The following TTC23 variants were observed in gnomAD, a reference collection of about 807,000 sequenced individuals.
The protein encoded by TTC23 is tetratricopeptide repeat protein 23.
In TTC23, 58 loss-of-function variants were observed where a neutral mutation model predicts 55.1. That is an observed-to-expected ratio of 1.05 (90% CI 0.85 to 1.31). TTC23 has a LOEUF of 1.31. TTC23 is among the 50% of genes most tolerant of loss of function. The probability of loss-of-function intolerance (pLI) is 0.00; values close to 1 mark genes in which losing one functional copy is unlikely to be tolerated. For synonymous variants in TTC23, 203 were observed against 199.9 expected (o/e 1.02, Z -0.13); for missense variants, 516 against 534.4 (o/e 0.97, Z 0.34).
intron 8 of TTC23, among the ~76,000 whole-genome samples, chr15:99,213,878 C>G (rs2077235283): frequency 6.6e-6 from 1 of 152,170 alleles, no homozygotes; most frequent in South Asian, 2.1e-4. Context: ...TTGGTGAAAA[C>G]ATGCATGCAT....
At chr15:99,190,329 G>A (rs2075137845) in intron 9 of TTC23, among the ~76,000 whole-genome samples, 1 of 149,652 alleles carries the variant, frequency 6.7e-6, no homozygotes, top group African/African-American at 2.5e-5. Flanking sequence ...CTGGAGTGCA[G>A]TGATGTGATC....
chr15:99,138,914 A>G (rs1312481259), intron 13 of TTC23, among the ~76,000 whole-genome samples: 5 of 152,186 alleles, frequency 3.3e-5, no homozygotes, highest in Admixed American at 1.3e-4. Context: ...GGGCTGAGAA[A>G]GGACGTAGGG....
chr15:99,179,007 G>T (rs1024502990), intron 9 of TTC23, among the ~76,000 whole-genome samples: 1 of 152,098 alleles, frequency 6.6e-6, no homozygotes, highest in Non-Finnish European at 1.5e-5. Flanking sequence ...GTCTTCCCTG[G>T]TCCAGGCTGT....
chr15:99,203,603 T>G (rs1442879712), intron 8 of TTC23, among the ~76,000 whole-genome samples: 1 of 152,066 alleles, frequency 6.6e-6, no homozygotes, highest in Admixed American at 6.6e-5. Flanking sequence ...ACCCAATAGT[T>G]TTCCCCTCTT....
chr15:99,238,660 T>C (rs73469377), intron 3 of TTC23, among the ~76,000 whole-genome samples: 3 of 152,170 alleles, frequency 2.0e-5, no homozygotes. Flanking sequence ...AACAGCATTT[T>C]CCAAGCCAAT....
intron 8 of TTC23, among the ~76,000 whole-genome samples, chr15:99,216,103 A>G (rs2077458098): frequency 6.6e-6 from 1 of 152,248 alleles, no homozygotes; most frequent in Admixed American, 6.5e-5. Flanking sequence ...CAGGATATAT[A>G]TAACAATGCA....
intron 9 of TTC23, among the ~76,000 whole-genome samples, chr15:99,183,270 T>G (rs1318368216): frequency 6.6e-6 from 1 of 152,130 alleles, no homozygotes; most frequent in Non-Finnish European, 1.5e-5. Context: ...TCTGTGGAAC[T>G]CTGAACTTGA....
chr15:99,240,846 C>T (rs1297135674), intron 3 of TTC23, among the ~76,000 whole-genome samples: 5 of 152,132 alleles, frequency 3.3e-5, no homozygotes, highest in African/African-American at 7.2e-5. Flanking sequence ...GCAATTGTAA[C>T]GTTCACTCTA....
At chr15:99,216,067 C>G (rs990422591) in intron 8 of TTC23, among the ~76,000 whole-genome samples, 11 of 152,172 alleles carry the variant, frequency 7.2e-5, no homozygotes, top group African/African-American at 2.7e-4. Context: ...CTGCTAAACT[C>G]TCCTCTCACC....
At chr15:99,186,679 A>G (rs553330555) in intron 9 of TTC23, among the ~76,000 whole-genome samples, 1 of 152,308 alleles carries the variant, frequency 6.6e-6, no homozygotes, top group South Asian at 2.1e-4. Flanking sequence ...TTAGAAAATG[A>G]AATTTTAAAA....
At chr15:99,152,327 A>ATT (rs1467104714) in intron 12 of TTC23, among the ~76,000 whole-genome samples, 1 of 152,148 alleles carries the variant, frequency 6.6e-6, no homozygotes, top group African/African-American at 2.4e-5. Flanking sequence ...AATCCAATTA[A>ATT]ACCTCTTTTC....
intron 8 of TTC23, among the ~76,000 whole-genome samples, chr15:99,211,279 G>A (rs2077015646): frequency 6.6e-6 from 1 of 152,138 alleles, no homozygotes; most frequent in African/African-American, 2.4e-5. Flanking sequence ...GGAGGCTGAG[G>A]CAGGAGAATC....
At chr15:99,247,166 A>G (rs1224758210) in intron 1 of TTC23, among the ~76,000 whole-genome samples, 4 of 152,228 alleles carry the variant, frequency 2.6e-5, no homozygotes. Flanking sequence ...GACAGATCAT[A>G]AGGAGTGTTG....
chr15:99,177,323 G>T (rs1051830613), intron 9 of TTC23, among the ~76,000 whole-genome samples: 1 of 152,182 alleles, frequency 6.6e-6, no homozygotes, highest in African/African-American at 2.4e-5. Context: ...AGAATATAAA[G>T]AATTGAATAT....
chr15:99,203,699 T>TC (rs2076379704), intron 8 of TTC23, among the ~76,000 whole-genome samples: 1 of 151,896 alleles, frequency 6.6e-6, no homozygotes, highest in South Asian at 2.1e-4. Flanking sequence ...TTCTTTTTTT[T>TC]CTTTCTTTTT....
chr15:99,196,362 T>A (rs899746318), intron 9 of TTC23, among the ~76,000 whole-genome samples: 1 of 152,168 alleles, frequency 6.6e-6, no homozygotes, highest in African/African-American at 2.4e-5. Context: ...TATGAATCCA[T>A]ATGAACTTCC....
chr15:99,247,843 A>ATTTTCT (rs57741081), intron 1 of TTC23, among the ~76,000 whole-genome samples: 1 of 151,878 alleles, frequency 6.6e-6, no homozygotes, highest in African/African-American at 2.4e-5. Context: ...AATTTTCTAA[A>ATTTTCT]ATTGGAATGT....
rs147810069 is a variant in TTC23, at chr15:99,205,003, T to C, written c.582-4907A>G. Among the ~76,000 whole-genome samples, 339 of 152,324 alleles carry C rather than the reference T, an allele frequency of 2.2e-3. 2 individuals carry two copies. Among genetic ancestry groups the C allele is most frequent in the African/African-American group, 7.8e-3 (323 of 41,570 alleles). On this transcript the variant is annotated intron_variant, in intron 8 of 13. Coordinates refer to ENST00000394132, the MANE Select transcript of TTC23 (RefSeq NM_001288615.3). Reference sequence around the variant, plus strand: ...AGCGAGAACTAGGGGTCTAGTTTCATTCTTATGAATATGGATATCCAGTTT... The same window carrying C: ...AGCGAGAACTAGGGGTCTAGTTTCACTCTTATGAATATGGATATCCAGTTT...
At chr15:99,220,390 G>A (rs1366452343) in intron 6 of TTC23, among the ~76,000 whole-genome samples, 1 of 152,206 alleles carries the variant, frequency 6.6e-6, no homozygotes, top group Admixed American at 6.5e-5. Flanking sequence ...GCAGCAGGCT[G>A]TATAAGAAAA....
Sources: gnomAD v4.1 joint callset for allele counts (sites outside exome capture counted in the v4.1 genomes callset) on GRCh38, gnomAD v4.1.1 for gene constraint, MANE v1.5 for transcripts, NCBI Gene and HGNC (gene_info 2026-07-23, HGNC 2026-07-21) for gene names.